COL28A1: variants seen among roughly 807,000 people sequenced by gnomAD.
COL28A1 encodes collagen alpha-1(XXVIII) chain.
A neutral mutation model predicts 150.2 loss-of-function variants in COL28A1; 161 were observed. The ratio of observed to expected loss-of-function variants is 1.07; its 90% CI spans 0.94 to 1.22. The LOEUF (loss-of-function observed/expected upper bound fraction) is 1.22. COL28A1 is among the 50% of genes most tolerant of loss of function. The pLI is 0.00. For missense variants in COL28A1, 1,617 were observed against 1,388.3 expected, an observed-to-expected ratio of 1.16 and a Z score of -2.62; for synonymous variants, 552 against 469.7, an observed-to-expected ratio of 1.18 and a Z score of -2.26.
chr7:7,348,722 C>T, the COL28A1 span, among the ~76,000 whole-genome samples: 1 of 151,668 alleles, frequency 6.6e-6, no homozygotes, highest in Non-Finnish European at 1.5e-5. Flanking sequence ...GACCTTTCTT[C>T]TTTTCTAGTA....
intron 15 of COL28A1, among the ~76,000 whole-genome samples, chr7:7,467,820 A>G (rs1406845369): frequency 7.1e-6 from 1 of 141,074 alleles, no homozygotes; most frequent in Non-Finnish European, 1.5e-5. Flanking sequence ...AAGCCGCTCA[A>G]CTACATGGAA....
Position 7,358,678 on chromosome 7 carries a change from T to C in COL28A1, c.3333A>G (p.Arg1111=). The C allele has an allele frequency of 6.2e-7, 1 of 1,614,054 alleles. No individual in the cohort carries two copies. ...CTTGACATTCCTTTTCACTGTTGAA[T>C]CTATTTCCTGAGCCATTACAGCCAC... The part of the protein sequence containing the change: ...WFSGCNGSGN[R]FNSEKECQET... The change falls in exon 35 of 35, where the codon AGA becomes AGG. Residue 1111 remains arginine (R), a synonymous_variant. Coordinates refer to ENST00000399429, the MANE Select transcript of COL28A1 (RefSeq NM_001037763.3).
intron 15 of COL28A1, among the ~76,000 whole-genome samples, chr7:7,462,833 C>G (rs1486226760): frequency 3.3e-5 from 5 of 150,296 alleles, no homozygotes; most frequent in Non-Finnish European, 7.4e-5. Flanking sequence ...TGCACTCCAG[C>G]CTGGGCAACA....
chr7:7,497,094 AAAGG>A (rs141012538), intron 11 of COL28A1, among the ~76,000 whole-genome samples: 7,295 of 123,788 alleles, frequency 0.059, 307 homozygotes, highest in African/African-American at 0.14. Context: ...AGGAAGGAAG[AAAGG>A]AAGGAAGGAA....
intron 15 of COL28A1, among the ~76,000 whole-genome samples, chr7:7,462,865 A>C (rs2128339634): frequency 6.6e-6 from 1 of 151,242 alleles, no homozygotes; most frequent in African/African-American, 2.4e-5. Flanking sequence ...CCATCTCAAA[A>C]AAAAAAAAAA....
chr7:7,482,729 C>T (rs889102403), intron 13 of COL28A1, among the ~76,000 whole-genome samples: 1 of 152,082 alleles, frequency 6.6e-6, no homozygotes, highest in East Asian at 1.9e-4. Context: ...CTCTCAACTA[C>T]AAACAGTTAG....
chr7:7,533,009 G>A (rs1583589920), intron 1 of COL28A1, 97 bp from the exon 2 acceptor site: 26 of 1,208,790 alleles, frequency 2.2e-5, no homozygotes, highest in East Asian at 1.4e-4. Context: ...GCATGTGACT[G>A]GAAAAAAGAG....
chr7:7,480,136 A>G (rs530632098), intron 13 of COL28A1, among the ~76,000 whole-genome samples: 1 of 152,320 alleles, frequency 6.6e-6, no homozygotes, highest in Admixed American at 6.5e-5. Context: ...CAAGCCCAGT[A>G]GCAGAACGAG....
At chr7:7,371,942 T>C (rs111550728) in intron 32 of COL28A1, among the ~76,000 whole-genome samples, 17,974 of 151,864 alleles carry the variant, frequency 0.12, 3,620 homozygotes, top group African/African-American at 0.41. Flanking sequence ...CAGCAATTCT[T>C]CCGCCTCAGC....
chr7:7,413,473 C>T (rs144546307), intron 27 of COL28A1, among the ~76,000 whole-genome samples: 9 of 152,282 alleles, frequency 5.9e-5, no homozygotes, highest in African/African-American at 2.2e-4. Context: ...CTTTCCAAGC[C>T]ACTTTGCAAT....
At chr7:7,497,610 C>T (rs1780291633) in intron 11 of COL28A1, among the ~76,000 whole-genome samples, 1 of 152,116 alleles carries the variant, frequency 6.6e-6, no homozygotes, top group Non-Finnish European at 1.5e-5. Context: ...TGTATGACTG[C>T]AGACTAAATT....
intron 25 of COL28A1, among the ~76,000 whole-genome samples, chr7:7,422,056 T>G (rs1185083743): frequency 6.6e-6 from 1 of 151,936 alleles, no homozygotes; most frequent in African/African-American, 2.4e-5. Context: ...AAAGGGAGAG[T>G]GTGTAAGTTC....
chr7:7,387,025 G>A (rs1296967478), intron 27 of COL28A1, among the ~76,000 whole-genome samples: 1 of 152,136 alleles, frequency 6.6e-6, no homozygotes, highest in Non-Finnish European at 1.5e-5. Context: ...CTTTATAAGG[G>A]TGCTAATCCC....
chr7:7,520,158 A>G (rs1237045461), intron 5 of COL28A1, 43 bp from the exon 6 acceptor site: 1 of 880,170 alleles, frequency 1.1e-6, no homozygotes, highest in Non-Finnish European at 1.9e-6. Context: ...TAGGAATTCT[A>G]TTGTTTTCTA....
In COL28A1 at chr7:7,472,472, C is replaced by T. The variant is rs150414149; in HGVS notation, c.1302+2129G>A. On this transcript the variant is annotated intron_variant, in intron 15 of 34. Coordinates refer to ENST00000399429, the MANE Select transcript of COL28A1 (RefSeq NM_001037763.3). ...TTAGGAATATACCTAACCAAGGAGG[C>T]GAAGGACCTCTACAGGGAAAACTAC... is the stretch of plus-strand genomic sequence containing the variant. 6.4e-3 allele frequency among the ~76,000 whole-genome samples: 979 copies of T among 151,792 alleles called. 4 individuals carry two copies. The highest frequency in any genetic ancestry group is 0.01 in the Middle Eastern group (3 of 290).
At chr7:7,345,023 C>A in the COL28A1 span, among the ~76,000 whole-genome samples, 2 of 151,984 alleles carry the variant, frequency 1.3e-5, no homozygotes, top group South Asian at 4.2e-4. Flanking sequence ...CACACACACA[C>A]CCCTTTCGCC....
At chr7:7,421,162 G>A (rs984862870) in intron 25 of COL28A1, among the ~76,000 whole-genome samples, 2 of 152,152 alleles carry the variant, frequency 1.3e-5, no homozygotes, top group Non-Finnish European at 1.5e-5. Flanking sequence ...ATGAATAAAT[G>A]CCATAACATG....
chr7:7,402,485 G>GT (rs1216517454), intron 27 of COL28A1, among the ~76,000 whole-genome samples: 2 of 152,046 alleles, frequency 1.3e-5, no homozygotes, highest in Non-Finnish European at 2.9e-5. Context: ...ACTGCATGTA[G>GT]TAATTGTATC....
chr7:7,477,539 G>A (rs1435648592), intron 13 of COL28A1, among the ~76,000 whole-genome samples: 12 of 152,142 alleles, frequency 7.9e-5, no homozygotes, highest in Non-Finnish European at 1.0e-4. Context: ...GCGGACCCTC[G>A]CGGTGAGTGT....
Sources: gnomAD v4.1 joint callset for allele counts (sites outside exome capture counted in the v4.1 genomes callset) on GRCh38, gnomAD v4.1.1 for gene constraint, MANE v1.5 for transcripts, NCBI Gene and HGNC (gene_info 2026-07-23, HGNC 2026-07-21) for gene names.